OSBP2: variants seen among roughly 807,000 people sequenced by gnomAD.
OSBP2 encodes the protein oxysterol binding protein 2.
In OSBP2, 66 loss-of-function variants were observed where a neutral mutation model predicts 96.0. The ratio of observed to expected loss-of-function variants is 0.69; its 90% CI spans 0.56 to 0.84. OSBP2 has a LOEUF of 0.84. OSBP2 is among the 40% of genes least tolerant of loss of function. OSBP2 has a pLI of 0.00. For synonymous variants in OSBP2, 525 were observed against 520.9 expected (o/e 1.01, Z -0.11); for missense variants, 1,038 against 1,222.7 (o/e 0.85, Z 2.25).
At chr22:30,856,200 C>T (rs564855171) in intron 2 of OSBP2, among the ~76,000 whole-genome samples, 2 of 152,200 alleles carry the variant, frequency 1.3e-5, no homozygotes, top group Admixed American at 6.5e-5. Flanking sequence ...GCCTCCTACC[C>T]CTATACCCCT....
At chr22:30,797,862 A>C (rs1199842648) in intron 2 of OSBP2, among the ~76,000 whole-genome samples, 1 of 152,102 alleles carries the variant, frequency 6.6e-6, no homozygotes, top group African/African-American at 2.4e-5. Context: ...CCAAAGTGCT[A>C]GGATTACAGG....
At chr22:30,800,284 G>A (rs563097111) in intron 2 of OSBP2, among the ~76,000 whole-genome samples, 1 of 152,284 alleles carries the variant, frequency 6.6e-6, no homozygotes, top group South Asian at 2.1e-4. Context: ...AGGGACCCAG[G>A]GAAGAGGCTG....
chr22:30,725,551 A>AAAAAC (rs2089633960), intron 1 of OSBP2, among the ~76,000 whole-genome samples: 1 of 151,128 alleles, frequency 6.6e-6, no homozygotes, highest in Non-Finnish European at 1.5e-5. Flanking sequence ...AAAACAAAAA[A>AAAAAC]AAAAACACAC....
intron 2 of OSBP2, among the ~76,000 whole-genome samples, chr22:30,755,152 G>A (rs2090125386): frequency 6.6e-6 from 1 of 152,174 alleles, no homozygotes; most frequent in Non-Finnish European, 1.5e-5. Flanking sequence ...AACATCTATA[G>A]ATCTATAGCT....
chr22:30,746,237 A>G (rs1258402429), intron 2 of OSBP2, among the ~76,000 whole-genome samples: 1 of 151,988 alleles, frequency 6.6e-6, no homozygotes, highest in South Asian at 2.1e-4. Flanking sequence ...TGGGCAACAT[A>G]GTGAGACCCT....
intron 2 of OSBP2, among the ~76,000 whole-genome samples, chr22:30,784,166 T>C (rs1376288531): frequency 6.7e-6 from 1 of 148,204 alleles, no homozygotes; most frequent in Non-Finnish European, 1.5e-5. Flanking sequence ...GATTTATGTA[T>C]TTGTAGGAAT....
chr22:30,823,758 A>C (rs2038336917), intron 2 of OSBP2, among the ~76,000 whole-genome samples: 1 of 152,186 alleles, frequency 6.6e-6, no homozygotes, highest in South Asian at 2.1e-4. Context: ...TTGATACTAC[A>C]CCTCCATCTT....
intron 2 of OSBP2, among the ~76,000 whole-genome samples, chr22:30,825,728 CCAGAGGT>C (rs1474537736): frequency 6.6e-6 from 1 of 152,204 alleles, no homozygotes; most frequent in Non-Finnish European, 1.5e-5. Context: ...GGTGGGCTCA[CCAGAGGT>C]CAGAGTCTGG....
chr22:30,848,027 ACT>A (rs1398987442), intron 2 of OSBP2, among the ~76,000 whole-genome samples: 4 of 152,162 alleles, frequency 2.6e-5, no homozygotes, highest in Non-Finnish European at 5.9e-5. Flanking sequence ...TAGTATACAT[ACT>A]GTTTTGCTCC....
chr22:30,887,532 A>G lies in OSBP2; in HGVS notation c.1214A>G (p.Gln405Arg). ...GTGCACTTGGAGGAAACCATTGAGC[A>G]GCTGGCGAAGCAGCACAACAGCCTC... is the stretch of plus-strand genomic sequence containing the variant. The part of the protein sequence containing the change: ...QRVHLEETIE[Q>R]LAKQHNSLER... The change falls in exon 4 of 14, where the codon CAG becomes CGG. Residue 405 changes from glutamine (Q) to arginine (R), a missense_variant. By Grantham distance (43) the Gln-to-Arg change is conservative. Transcript: ENST00000332585. 2 of 1,613,660 alleles carry G rather than the reference A, an allele frequency of 1.2e-6. No homozygotes were observed. The highest frequency in any genetic ancestry group is 2.2e-5 in the South Asian group (2 of 91,088).
At chr22:30,741,120 G>A (rs1316366834) in intron 1 of OSBP2, 41 bp from the exon 2 acceptor site, 2 of 1,498,806 alleles carry the variant, frequency 1.3e-6, no homozygotes, top group East Asian at 4.5e-5. Context: ...GAGCCATTGA[G>A]ATTAGGAGCC....
At chr22:30,885,642 TTTCC>T (rs1328407608) in intron 3 of OSBP2, among the ~76,000 whole-genome samples, 2 of 152,230 alleles carry the variant, frequency 1.3e-5, no homozygotes, top group African/African-American at 4.8e-5. Context: ...AGAACGTGGC[TTTCC>T]TTCCTTCTGT....
intron 2 of OSBP2, among the ~76,000 whole-genome samples, chr22:30,797,250 T>C (rs2090777569): frequency 6.6e-6 from 1 of 152,258 alleles, no homozygotes; most frequent in Non-Finnish European, 1.5e-5. Flanking sequence ...ATGTTTTAGC[T>C]ATTGTGAGCA....
chr22:30,711,666 G>T (rs558931603), intron 1 of OSBP2, among the ~76,000 whole-genome samples: 52 of 151,266 alleles, frequency 3.4e-4, no homozygotes, highest in Admixed American at 9.2e-4. Context: ...CTCGAGCCTG[G>T]GAGGCAGAAG....
At chr22:30,822,399 G>C in intron 2 of OSBP2, 1 of 769,558 alleles carries the variant, frequency 1.3e-6, no homozygotes, top group Non-Finnish European at 1.8e-6. Context: ...GGAAGTGGTA[G>C]GCAGCACCGC....
intron 2 of OSBP2, among the ~76,000 whole-genome samples, chr22:30,868,010 A>G (rs2080773052): frequency 6.6e-6 from 1 of 152,260 alleles, no homozygotes; most frequent in African/African-American, 2.4e-5. Context: ...CACAGGCTCT[A>G]AAGCCAGAGA....
chr22:30,704,517 ATTT>A (rs34976215), intron 1 of OSBP2, among the ~76,000 whole-genome samples: 9 of 143,180 alleles, frequency 6.3e-5, no homozygotes, highest in African/African-American at 7.7e-5. Context: ...AGGAAAGCAG[ATTT>A]TTTTTTTTTT....
chr22:30,856,823 C>T (rs1392757288), intron 2 of OSBP2, among the ~76,000 whole-genome samples: 1 of 152,012 alleles, frequency 6.6e-6, no homozygotes, highest in Non-Finnish European at 1.5e-5. Flanking sequence ...AATGTAACTG[C>T]CAAGAACCCA....
In OSBP2 at chr22:30,845,374, G is replaced by C. The variant is rs1387597838; in HGVS notation, c.854-25055G>C. 2.0e-5 allele frequency among the ~76,000 whole-genome samples: 3 copies of C among 152,272 alleles called. No individual in the cohort carries two copies. In the East Asian group the frequency reaches 5.8e-4, roughly 29 times the overall value. On this transcript the variant is annotated intron_variant, in intron 2 of 13. Coordinates refer to ENST00000332585, the MANE Select transcript of OSBP2 (RefSeq NM_030758.4). ...GGAGGCAGAGGTTGCAGTGAGCTGA[G>C]ATCGTGCCATTGCACTCCAGCCTGG...
Sources: allele counts gnomAD v4.1 joint callset (sites outside exome capture counted in the v4.1 genomes callset), GRCh38; gene constraint gnomAD v4.1.1; transcripts MANE v1.5; gene names NCBI Gene and HGNC (gene_info 2026-07-23, HGNC 2026-07-21).